The following COL24A1 variants were observed in gnomAD, a reference collection of about 807,000 sequenced individuals.
The protein encoded by COL24A1 is collagen alpha-1(XXIV) chain.
COL24A1 carries 224 observed loss-of-function variants against 253.9 expected under a neutral mutation model. That is an observed-to-expected ratio of 0.88 (90% CI 0.79 to 0.99). The LOEUF (loss-of-function observed/expected upper bound fraction) is 0.99, where lower values mean the gene tolerates loss of function less well. Ranked by LOEUF, COL24A1 falls within the 50% of genes least tolerant of loss-of-function variation. COL24A1 has a pLI of 0.00. For missense variants in COL24A1, 2,131 were observed against 2,068.5 expected (o/e 1.03, Z -0.59); for synonymous variants, 685 against 673.7 (o/e 1.02, Z -0.26).
At chr1:85,809,525 T>C (rs1397264803) in intron 47 of COL24A1, among the ~76,000 whole-genome samples, 1 of 151,950 alleles carries the variant, frequency 6.6e-6, no homozygotes, top group Non-Finnish European at 1.5e-5. Flanking sequence ...GTTTCATGGG[T>C]GAAGTTCCAG....
chr1:85,730,666 T>C lies in COL24A1; in HGVS notation c.5025A>G (p.Ala1675=), dbSNP rs2100770378. The C allele has an allele frequency of 6.2e-7, 1 of 1,614,000 alleles. No individual in the cohort carries two copies. Among genetic ancestry groups the C allele is most frequent in the Non-Finnish European group, 8.5e-7 (1 of 1,179,896 alleles). ...CKIQDGSWHK[A]TFLFHTQEPN... The stretch of plus-strand genomic sequence containing the variant: ...GTTCCTGGGTGTGAAAAAGAAATGT[T>C]GCCTTATGCCAGCTGCCATCTTGAA... Residue 1675 remains alanine (A), a synonymous_variant, in exon 60 of 60, where the codon GCA becomes GCG. Transcript: ENST00000370571.
chr1:85,971,852 G>C (rs1692198487), intron 20 of COL24A1, among the ~76,000 whole-genome samples: 2 of 152,132 alleles, frequency 1.3e-5, no homozygotes, highest in Admixed American at 6.5e-5. Flanking sequence ...TTACTCATTA[G>C]TTGAAGAATA....
At chr1:85,801,345 C>A (rs1467116803) in intron 47 of COL24A1, among the ~76,000 whole-genome samples, 3 of 152,196 alleles carry the variant, frequency 2.0e-5, no homozygotes, top group African/African-American at 7.2e-5. Flanking sequence ...TTCTCTTGAC[C>A]TCTGGCTTCC....
chr1:86,091,293 A>G (rs1384760145), intron 6 of COL24A1, among the ~76,000 whole-genome samples: 1 of 152,080 alleles, frequency 6.6e-6, no homozygotes, highest in Non-Finnish European at 1.5e-5. Context: ...TTAAAAACAA[A>G]ATAAAATAAT....
intron 10 of COL24A1, among the ~76,000 whole-genome samples, chr1:86,054,171 T>C (rs911690091): frequency 3.9e-5 from 6 of 152,134 alleles, no homozygotes; most frequent in African/African-American, 1.2e-4. Context: ...AGACTTAGTA[T>C]GTAAGACCTC....
chr1:85,785,243 C>T (rs1669559560), intron 48 of COL24A1, among the ~76,000 whole-genome samples: 1 of 152,178 alleles, frequency 6.6e-6, no homozygotes, highest in Non-Finnish European at 1.5e-5. Flanking sequence ...CTAAAAGTCA[C>T]TTTAAGTACA....
chr1:86,061,687 G>T (rs937121426), intron 8 of COL24A1, among the ~76,000 whole-genome samples: 3 of 152,006 alleles, frequency 2.0e-5, no homozygotes, highest in Admixed American at 1.3e-4. Flanking sequence ...CGTATTCTGA[G>T]CCAACCACAC....
intron 24 of COL24A1, among the ~76,000 whole-genome samples, chr1:85,934,876 A>C (rs1688120172): frequency 6.6e-6 from 1 of 152,170 alleles, no homozygotes; most frequent in African/African-American, 2.4e-5. Flanking sequence ...AGCCATAGCC[A>C]GAATTATTGT....
At chr1:85,821,844 C>A (rs1024918003) in intron 45 of COL24A1, among the ~76,000 whole-genome samples, 5 of 152,078 alleles carry the variant, frequency 3.3e-5, no homozygotes, top group Non-Finnish European at 7.4e-5. Context: ...TACTAATAAG[C>A]ATCAGAAAAT....
intron 32 of COL24A1, among the ~76,000 whole-genome samples, chr1:85,885,397 A>ATATATATTTTT (rs60994639): frequency 0.019 from 2,499 of 128,670 alleles, 54 homozygotes; most frequent in African/African-American, 0.048. Flanking sequence ...ATATATATAT[A>ATATATATTTTT]TTTTTTTTTT....
At chr1:86,124,326 A>G (rs1647891286) in intron 3 of COL24A1, among the ~76,000 whole-genome samples, 1 of 151,946 alleles carries the variant, frequency 6.6e-6, no homozygotes, top group African/African-American at 2.4e-5. Context: ...ATCACTAAAG[A>G]CAGTCAACGA....
intron 7 of COL24A1, among the ~76,000 whole-genome samples, chr1:86,080,709 A>G (rs760476495): frequency 6.6e-6 from 1 of 152,150 alleles, no homozygotes; most frequent in African/African-American, 2.4e-5. Flanking sequence ...ATATGTTATC[A>G]ATACGTTACC....
At chr1:85,828,644 T>C (rs1002656108) in intron 43 of COL24A1, among the ~76,000 whole-genome samples, 7 of 141,108 alleles carry the variant, frequency 5.0e-5, no homozygotes, top group African/African-American at 7.8e-5. Flanking sequence ...TAGTTAGCTC[T>C]TCTTGTTGAA....
rs1247398878 is a variant in COL24A1 at position 85,872,263 on chromosome 1, T to C, written c.3138+2386A>G. On this transcript the variant is annotated intron_variant, in intron 35 of 59. Coordinates refer to ENST00000370571, the MANE Select transcript of COL24A1 (RefSeq NM_152890.7). Reference sequence around the variant, plus strand: ...AGAATCAATATTGTCAAAATGGCCATATTGCCCAAGGTAGTTTATAGATTC... The same window carrying C: ...AGAATCAATATTGTCAAAATGGCCACATTGCCCAAGGTAGTTTATAGATTC... 3.9e-4 allele frequency among the ~76,000 whole-genome samples: 59 copies of C among 152,118 alleles called. 1 individual carries two copies. The highest frequency in any genetic ancestry group is 2.1e-4 in the South Asian group (1 of 4,824).
intron 24 of COL24A1, among the ~76,000 whole-genome samples, chr1:85,960,191 C>A (rs1341941850): frequency 2.0e-5 from 3 of 152,078 alleles, no homozygotes; most frequent in African/African-American, 7.2e-5. Context: ...ATTATTTAAG[C>A]CTATAAAACA....
chr1:85,991,002 C>T (rs6656538), intron 19 of COL24A1, among the ~76,000 whole-genome samples: 70,948 of 152,034 alleles, frequency 0.47, 16,949 homozygotes, highest in East Asian at 0.61. Flanking sequence ...CTCCATTTTG[C>T]AATGATACAA....
chr1:86,112,246 G>A (rs1431229374), intron 5 of COL24A1, among the ~76,000 whole-genome samples: 1 of 151,656 alleles, frequency 6.6e-6, no homozygotes, highest in East Asian at 1.9e-4. Context: ...CTTAATTTAA[G>A]GTAAATTACT....
At chr1:85,991,206 C>G (rs973719192) in intron 19 of COL24A1, among the ~76,000 whole-genome samples, 1 of 152,136 alleles carries the variant, frequency 6.6e-6, no homozygotes, top group Non-Finnish European at 1.5e-5. Flanking sequence ...GACCAAGAAA[C>G]AGGCAGAACT....
intron 47 of COL24A1, among the ~76,000 whole-genome samples, chr1:85,808,934 T>A (rs1007000445): frequency 3.9e-5 from 6 of 152,174 alleles, no homozygotes; most frequent in African/African-American, 1.4e-4. Context: ...GTGCTGCTGA[T>A]TGGTTGGGGA....
Sources: allele counts gnomAD v4.1 joint callset (sites outside exome capture counted in the v4.1 genomes callset), GRCh38; gene constraint gnomAD v4.1.1; transcripts MANE v1.5; gene names NCBI Gene and HGNC (gene_info 2026-07-23, HGNC 2026-07-21).